The following CDH19 variants were observed in gnomAD, a reference collection of about 807,000 sequenced individuals.
The protein encoded by CDH19 is cadherin-19.
Under a neutral mutation model 64.2 loss-of-function variants are expected in CDH19, and 67 were observed. That is an observed-to-expected ratio of 1.04 (90% CI 0.86 to 1.28). The LOEUF is 1.28. Ranked by LOEUF, CDH19 falls within the 50% of genes most tolerant of loss-of-function variation. The pLI, the probability that CDH19 is intolerant of heterozygous loss-of-function variation, is 0.00. For missense variants in CDH19, 1,030 were observed against 929.0 expected (o/e 1.11, Z -1.41); for synonymous variants, 346 against 319.3 (o/e 1.08, Z -0.89).
chr18:66,515,869 A>T (rs989563796), intron 9 of CDH19, among the ~76,000 whole-genome samples: 3 of 151,732 alleles, frequency 2.0e-5, no homozygotes, highest in African/African-American at 7.3e-5. Context: ...TACTTACAGC[A>T]CTCCAAGCAA....
chr18:66,593,242 A>G (rs9948875), intron 1 of CDH19, among the ~76,000 whole-genome samples: 22,002 of 151,852 alleles, frequency 0.14, 1,719 homozygotes, highest in East Asian at 0.25. Context: ...ATAAATAGGA[A>G]TTGTATTTTT....
At chr18:66,550,718 C>T (rs1424807107) in intron 5 of CDH19, among the ~76,000 whole-genome samples, 1 of 152,010 alleles carries the variant, frequency 6.6e-6, no homozygotes, top group East Asian at 1.9e-4. Context: ...TTACAGCCAT[C>T]AATAAAACAG....
At chr18:66,545,979 G>A (rs1987102126) in intron 5 of CDH19, among the ~76,000 whole-genome samples, 1 of 151,318 alleles carries the variant, frequency 6.6e-6, no homozygotes. Context: ...AGTAACTTGT[G>A]TAAAACTGAT....
At chr18:66,537,400 CATGAT>C (rs1986715640) in intron 7 of CDH19, among the ~76,000 whole-genome samples, 1 of 151,874 alleles carries the variant, frequency 6.6e-6, no homozygotes, top group Non-Finnish European at 1.5e-5. Context: ...ATAACACAGA[CATGAT>C]ATACTTTCTT....
At position 66,529,932 on chromosome 18, in the gene CDH19, A is replaced by G; in HGVS notation, c.1371T>C (p.Tyr457=). The G allele has an allele frequency of 6.4e-7, 1 of 1,565,978 alleles. No individual in the cohort carries two copies. Among genetic ancestry groups the G allele is most frequent in the Non-Finnish European group, 8.7e-7 (1 of 1,143,488 alleles). Residue 457 remains tyrosine (Y), a synonymous_variant, in exon 9 of 12, where the codon TAT becomes TAC. Coordinates refer to ENST00000262150, the MANE Select transcript of CDH19 (RefSeq NM_021153.4). The part of the protein sequence containing the change: ...NIEQISSIPL[Y]VQVLNINDHA... ...GATCATTGATGTTAAGAACTTGCACATACAGTGGGATCGAAGAGATCTGTT... is the reference window on the plus strand; with the variant it reads ...GATCATTGATGTTAAGAACTTGCACGTACAGTGGGATCGAAGAGATCTGTT...
Position 66,554,501 on chromosome 18 carries a change from C to G in CDH19, c.514G>C (p.Ala172Pro). 1 of 1,610,874 alleles carries G rather than the reference C, an allele frequency of 6.2e-7. No homozygotes were observed. The highest frequency in any genetic ancestry group is 8.5e-7 in the Non-Finnish European group (1 of 1,177,708). ...CTTGAGGGATCGTCAGCATCACTTG[C>G]TGTCACCTGGATAACTAATGTTCCT... is the stretch of plus-strand genomic sequence containing the variant. The part of the protein sequence containing the change: ...PEGTLVIQVT[A>P]SDADDPSSGN... Residue 172 changes from alanine (A) to proline (P), a missense_variant, in exon 4 of 12, where the codon GCA (alanine) becomes CCA (proline). Transcript: ENST00000262150.
At chr18:66,510,601 T>C (rs1985432946) in intron 10 of CDH19, among the ~76,000 whole-genome samples, 1 of 145,854 alleles carries the variant, frequency 6.9e-6, no homozygotes, top group African/African-American at 2.5e-5. Context: ...ATAATAATAA[T>C]AATAATAATA....
At chr18:66,536,391 T>A (rs1006836161) in intron 7 of CDH19, among the ~76,000 whole-genome samples, 1 of 151,770 alleles carries the variant, frequency 6.6e-6, no homozygotes, top group Non-Finnish European at 1.5e-5. Flanking sequence ...TTTATAAGTA[T>A]TTTCCCTAAA....
intron 9 of CDH19, among the ~76,000 whole-genome samples, chr18:66,520,143 C>T (rs759273691): frequency 3.9e-5 from 6 of 152,216 alleles, no homozygotes; most frequent in Admixed American, 1.3e-4. Context: ...CGAGATTGCA[C>T]TACTGCACTC....
intron 1 of CDH19, chr18:66,596,326 A>T (rs1050168903): frequency 6.6e-6 from 1 of 152,192 alleles, no homozygotes; most frequent in African/African-American, 2.4e-5. Flanking sequence ...ATAAGTCAAG[A>T]TACAGAATTA....
At position 66,577,808 on chromosome 18, in the gene CDH19, C is replaced by T. The variant is rs1322525803; in HGVS notation, c.-112-5492G>A. Among the ~76,000 whole-genome samples, 3 of 151,872 alleles carry T rather than the reference C, an allele frequency of 2.0e-5. No homozygotes were observed. The East Asian group carries it at 5.8e-4, about 29-fold the overall frequency. The stretch of plus-strand genomic sequence containing the variant: ...AAAATGAATTTCACTGGACTGAAAC[C>T]AGGGTGCCAGAAAGGTCATGCTTCC... On this transcript the variant is annotated intron_variant, in intron 1 of 11. Transcript: ENST00000262150.
chr18:66,588,913 T>G (rs1275196746), intron 1 of CDH19, among the ~76,000 whole-genome samples: 2 of 151,616 alleles, frequency 1.3e-5, no homozygotes, highest in Non-Finnish European at 2.9e-5. Context: ...ATTAACAGCT[T>G]TTTAGAAAGC....
chr18:66,544,304 A>G (rs1349262122), intron 6 of CDH19, 80 bp from the exon 7 acceptor site: 5 of 1,354,350 alleles, frequency 3.7e-6, no homozygotes, highest in Non-Finnish European at 5.0e-6. Flanking sequence ...TTTACCTGTT[A>G]AATTAAGTCT....
chr18:66,543,666 C>T (rs1265927317), intron 7 of CDH19, among the ~76,000 whole-genome samples: 2 of 151,954 alleles, frequency 1.3e-5, no homozygotes, highest in Non-Finnish European at 2.9e-5. Context: ...CGGTGGATCA[C>T]GAGGTCAGGA....
At chr18:66,584,020 A>C (rs1988500730) in intron 1 of CDH19, among the ~76,000 whole-genome samples, 1 of 152,136 alleles carries the variant, frequency 6.6e-6, no homozygotes, top group South Asian at 2.1e-4. Flanking sequence ...ACTGCTCTTA[A>C]GAATCCCTGC....
chr18:66,544,313 C>G (rs1987018080), intron 6 of CDH19, 89 bp from the exon 7 acceptor site: 1 of 1,226,296 alleles, frequency 8.2e-7, no homozygotes, highest in Non-Finnish European at 1.1e-6. Flanking sequence ...TAAATTAAGT[C>G]TCAGTGGCCT....
At chr18:66,557,987 T>C (rs996423178) in intron 3 of CDH19, among the ~76,000 whole-genome samples, 3 of 151,778 alleles carry the variant, frequency 2.0e-5, no homozygotes, top group African/African-American at 7.2e-5. Context: ...GCAAATATTC[T>C]TGTCTGAACT....
Position 66,544,237 on chromosome 18 carries a change from A to G in CDH19, c.961-13T>C, listed in dbSNP as rs953082438. On this transcript the variant is annotated splice_polypyrimidine_tract_variant and intron_variant, in intron 6 of 11. Coordinates refer to ENST00000262150, the MANE Select transcript of CDH19 (RefSeq NM_021153.4). ...CAAAATCCACTTTCTGCAAAGAAAC[A>G]CAGTATACACAAAAGAAATGGCTTT... 27 of 1,601,144 alleles carry G rather than the reference A, an allele frequency of 1.7e-5. No homozygotes were observed. The highest frequency in any genetic ancestry group is 2.3e-5 in the Non-Finnish European group (27 of 1,174,414).
intron 3 of CDH19, among the ~76,000 whole-genome samples, chr18:66,555,805 C>G (rs1987496370): frequency 6.6e-6 from 1 of 151,800 alleles, no homozygotes; most frequent in African/African-American, 2.4e-5. Context: ...GTTCCTTTAA[C>G]TATCCTTCTA....
Sources: allele counts gnomAD v4.1 joint callset (sites outside exome capture counted in the v4.1 genomes callset), GRCh38; gene constraint gnomAD v4.1.1; transcripts MANE v1.5; gene names NCBI Gene and HGNC (gene_info 2026-07-23, HGNC 2026-07-21).